ARPP21: variants seen among roughly 807,000 people sequenced by gnomAD.
ARPP21 encodes cAMP regulated phosphoprotein 21.
Under a neutral mutation model 113.2 loss-of-function variants are expected in ARPP21, and 69 were observed. The ratio of observed to expected loss-of-function variants is 0.61; its 90% CI spans 0.50 to 0.74. ARPP21 has a LOEUF of 0.74. Ranked by LOEUF, ARPP21 falls within the 30% of genes least tolerant of loss-of-function variation. The pLI is 0.00. For missense variants in ARPP21, 1,070 were observed against 1,037.4 expected (o/e 1.03, Z -0.43); for synonymous variants, 368 against 375.5 (o/e 0.98, Z 0.23).
chr3:35,789,502 A>G (rs2096703506), intron 19 of ARPP21, among the ~76,000 whole-genome samples: 1 of 152,216 alleles, frequency 6.6e-6, no homozygotes, highest in South Asian at 2.1e-4. Context: ...CTCTCCTTAC[A>G]CTAAAGTTTT....
chr3:35,718,995 T>G (rs927101724), intron 13 of ARPP21, among the ~76,000 whole-genome samples: 1 of 149,216 alleles, frequency 6.7e-6, no homozygotes, highest in African/African-American at 2.4e-5. Context: ...GCTTAAAATA[T>G]ATGCTTTATA....
chr3:35,664,402 C>G (rs569143113), intron 1 of ARPP21, among the ~76,000 whole-genome samples: 1 of 152,232 alleles, frequency 6.6e-6, no homozygotes, highest in East Asian at 1.9e-4. Context: ...ACTTTTTCCT[C>G]CTGAGTGTAA....
intron 8 of ARPP21, among the ~76,000 whole-genome samples, chr3:35,690,571 G>T (rs922524048): frequency 2.6e-5 from 4 of 151,370 alleles, no homozygotes; most frequent in African/African-American, 9.7e-5. Flanking sequence ...CCTGTGCCTG[G>T]CCCCGTTGAT....
intron 19 of ARPP21, among the ~76,000 whole-genome samples, chr3:35,772,202 C>T (rs1017169044): frequency 9.2e-5 from 14 of 152,052 alleles, no homozygotes; most frequent in African/African-American, 2.7e-4. Flanking sequence ...ATGAAGTATC[C>T]GTATCAGTTA....
chr3:35,700,124 A>G (rs2085739559), intron 9 of ARPP21, among the ~76,000 whole-genome samples: 1 of 151,780 alleles, frequency 6.6e-6, no homozygotes, highest in African/African-American at 2.4e-5. Context: ...GCTTTCTCAC[A>G]TGATTGTGCA....
chr3:35,684,915 C>G (rs2080100139), intron 5 of ARPP21: 1 of 985,004 alleles, frequency 1.0e-6, no homozygotes, highest in Admixed American at 6.2e-5. Context: ...TACTTGGGCT[C>G]TGAGAAATGT....
intron 18 of ARPP21, among the ~76,000 whole-genome samples, chr3:35,742,520 C>T (rs976834887): frequency 1.3e-5 from 2 of 152,224 alleles, no homozygotes; most frequent in Non-Finnish European, 2.9e-5. Flanking sequence ...GCTTTAGACT[C>T]ATTCAGCCTC....
chr3:35,698,834 C>T (rs1048607907), intron 9 of ARPP21, among the ~76,000 whole-genome samples: 7 of 151,486 alleles, frequency 4.6e-5, no homozygotes, highest in African/African-American at 1.5e-4. Flanking sequence ...TAAACAACAT[C>T]GGTACTAAGT....
chr3:35,694,517 C>A (rs781074397), intron 9 of ARPP21, among the ~76,000 whole-genome samples: 25 of 151,294 alleles, frequency 1.7e-4, no homozygotes, highest in Admixed American at 2.6e-4. Flanking sequence ...CTTCATTTTG[C>A]AGAAGAAGAA....
chr3:35,671,617 A>C (rs1421673811), intron 1 of ARPP21, among the ~76,000 whole-genome samples: 1 of 152,098 alleles, frequency 6.6e-6, no homozygotes, highest in East Asian at 1.9e-4. Context: ...TGTGATGAGA[A>C]TATATTATCT....
intron 19 of ARPP21, among the ~76,000 whole-genome samples, chr3:35,752,728 C>A (rs1468648076): frequency 6.6e-6 from 1 of 152,050 alleles, no homozygotes; most frequent in Non-Finnish European, 1.5e-5. Flanking sequence ...TACTGGTCTA[C>A]TGTTTTGAAA....
intron 1 of ARPP21, among the ~76,000 whole-genome samples, chr3:35,667,122 G>A (rs541635203): frequency 3.9e-5 from 6 of 152,152 alleles, no homozygotes; most frequent in Non-Finnish European, 7.3e-5. Flanking sequence ...ACTCTAAAAT[G>A]TGACTCTTTA....
At position 35,739,577 on chromosome 3, in the gene ARPP21, G is replaced by A. The variant is rs144764224; in HGVS notation, c.2010G>A (p.Gln670=). 239 of 1,607,760 alleles carry A rather than the reference G, an allele frequency of 1.5e-4. No individual in the cohort carries two copies. The African/African-American group carries it at 3.0e-3, about 20-fold the overall frequency. ...TTGTGCAACAGCCTCCGCCTGCACA[G>A]GTAGGTGTGCTTCCTCATGCCTGTG... The part of the protein sequence containing the change: ...QGFVQQPPPA[Q]MPVYYYPSGQ... The change falls in exon 18 of 21, where the codon CAG becomes CAA. Residue 670 remains glutamine (Q), a splice_region_variant and synonymous_variant. Coordinates refer to ENST00000684406, the MANE Select transcript of ARPP21 (RefSeq NM_001385562.1).
chr3:35,784,917 A>G (rs1481080143), intron 19 of ARPP21: 1 of 151,960 alleles, frequency 6.6e-6, no homozygotes, highest in Non-Finnish European at 1.5e-5. Context: ...ATTTCAAGAT[A>G]ATTGGCCAAG....
At chr3:35,723,160 C>T (rs2093256734) in intron 14 of ARPP21, among the ~76,000 whole-genome samples, 1 of 152,012 alleles carries the variant, frequency 6.6e-6, no homozygotes, top group Admixed American at 6.6e-5. Flanking sequence ...TGGAGAACCC[C>T]AGTTAGAGTT....
At chr3:35,785,548 T>G (rs1242485876) in intron 19 of ARPP21, among the ~76,000 whole-genome samples, 1 of 151,902 alleles carries the variant, frequency 6.6e-6, no homozygotes, top group South Asian at 2.1e-4. Flanking sequence ...AAAACCAGCT[T>G]TGTATTTGTG....
At chr3:35,648,068 C>T (rs897741405) in intron 1 of ARPP21, among the ~76,000 whole-genome samples, 3 of 152,172 alleles carry the variant, frequency 2.0e-5, no homozygotes, top group African/African-American at 7.2e-5. Context: ...TCCTTCATTG[C>T]TATCCCATAA....
chr3:35,684,235 G>A lies in ARPP21; in HGVS notation c.261+420G>A. 3.9e-6 allele frequency: 5 copies of A among 1,266,034 alleles called. No individual in the cohort carries two copies. In the South Asian group the frequency reaches 1.3e-4, roughly 33 times the overall value. 78.4% of individuals were successfully genotyped at this position (1,266,034 alleles called of 1,614,324 possible). On this transcript the variant is annotated intron_variant, in intron 5 of 20. Transcript: ENST00000684406. ...CTTGCCTATAAGAAACACAATTGCTGGTTCATATGAAACTTAGGAAATAGT... is the reference window on the plus strand; with the variant it reads ...CTTGCCTATAAGAAACACAATTGCTAGTTCATATGAAACTTAGGAAATAGT...
Position 35,681,798 on chromosome 3 carries a change from G to C in ARPP21, c.47G>C (p.Gly16Ala), listed in dbSNP as rs1481888266. ...AATCAGGCAATAGCAGAGGAAGGAG[G>C]GACTGAGCAGGAGACGGCCACTCCA... The part of the protein sequence containing the change: ...DLNQAIAEEG[G>A]TEQETATPEN... Residue 16 changes from glycine to alanine, a missense_variant, in exon 3 of 21, where the codon GGG becomes GCG. Physicochemically the swap from Gly to Ala is moderately conservative, Grantham distance 60. Transcript: ENST00000684406. 1 of 1,611,570 alleles carries C rather than the reference G, an allele frequency of 6.2e-7. No individual in the cohort carries two copies. The highest frequency in any genetic ancestry group is 1.1e-5 in the South Asian group (1 of 90,990).
Sources: allele counts gnomAD v4.1 joint callset (sites outside exome capture counted in the v4.1 genomes callset), GRCh38; gene constraint gnomAD v4.1.1; transcripts MANE v1.5; gene names NCBI Gene and HGNC (gene_info 2026-07-23, HGNC 2026-07-21).